CUL3: variants seen among roughly 807,000 people sequenced by gnomAD.
CUL3 encodes cullin 3.
CUL3 carries 19 observed loss-of-function variants against 89.1 expected under a neutral mutation model. That is an observed-to-expected ratio of 0.21 (90% CI 0.15 to 0.31). The LOEUF (loss-of-function observed/expected upper bound fraction) is 0.31. Ranked by LOEUF, CUL3 falls within the 10% of genes least tolerant of loss-of-function variation. The pLI, the probability that CUL3 is intolerant of heterozygous loss-of-function variation, is 1.00. For synonymous variants in CUL3, 351 were observed against 308.4 expected (o/e 1.14, Z -1.45); for missense variants, 469 against 942.3 (o/e 0.50, Z 6.58).
intron 3 of CUL3, among the ~76,000 whole-genome samples, chr2:224,525,538 C>G (rs1693440878): frequency 6.6e-6 from 1 of 152,062 alleles, no homozygotes; most frequent in Non-Finnish European, 1.5e-5. Context: ...AAACATTTAC[C>G]TTCAAAGAAA....
intron 13 of CUL3, among the ~76,000 whole-genome samples, chr2:224,492,330 T>C (rs13393601): frequency 0.26 from 39,368 of 152,008 alleles, 5,870 homozygotes; most frequent in African/African-American, 0.41. Context: ...CATTTTCCTT[T>C]CTATATTGTG....
chr2:224,488,158 A>C (rs2106163861), intron 13 of CUL3, among the ~76,000 whole-genome samples: 1 of 152,354 alleles, frequency 6.6e-6, no homozygotes, highest in Non-Finnish European at 1.5e-5. Flanking sequence ...AAGATCTAAA[A>C]TTGACACCCT....
Position 224,482,091 on chromosome 2 carries a change from C to T in CUL3, c.1843-13G>A, listed in dbSNP as rs929800526. On this transcript the variant is annotated splice_polypyrimidine_tract_variant and intron_variant, in intron 13 of 15. Transcript: ENST00000264414. Reference sequence around the variant, plus strand: ...CTTGCTGAATTTCCTGAAATTTCATCAGATTAACATAATTAGACTTTTTGA... The same window carrying T: ...CTTGCTGAATTTCCTGAAATTTCATTAGATTAACATAATTAGACTTTTTGA... 8 of 1,582,944 alleles carry T rather than the reference C, an allele frequency of 5.1e-6. No homozygotes were observed. In the East Asian group the frequency reaches 1.6e-4, roughly 32 times the overall value.
intron 3 of CUL3, among the ~76,000 whole-genome samples, chr2:224,522,232 AG>A: frequency 6.6e-6 from 1 of 152,314 alleles, no homozygotes; most frequent in East Asian, 1.9e-4. Context: ...AGATTTAAAA[AG>A]GTTTAACACA....
rs758674690 is a variant in CUL3, at chr2:224,503,087, C to T, written c.1378-15G>A. 4 of 1,345,110 alleles carry T rather than the reference C, an allele frequency of 3.0e-6. No individual in the cohort carries two copies. Among genetic ancestry groups the T allele is most frequent in the Non-Finnish European group, 4.3e-6 (4 of 938,470 alleles). 83.3% of individuals were successfully genotyped at this position (1,345,110 alleles called of 1,614,324 possible). A position where few individuals can be genotyped will look rare whatever the true frequency, so the allele number is the denominator to read the frequency against. ...CCACATTCAGTCTGTGGAGGAAAAA[C>T]ACAAATATACACAAATAAATGGTAG... On this transcript the variant is annotated splice_polypyrimidine_tract_variant and intron_variant, in intron 9 of 15. Coordinates refer to ENST00000264414, the MANE Select transcript of CUL3 (RefSeq NM_003590.5).
intron 2 of CUL3, among the ~76,000 whole-genome samples, chr2:224,554,835 A>G (rs758289664): frequency 2.0e-4 from 31 of 152,186 alleles, no homozygotes; most frequent in Middle Eastern, 3.2e-3. Flanking sequence ...TCTATATCCA[A>G]TAACTCAGCT....
chr2:224,522,716 T>C (rs1693313304), intron 3 of CUL3, among the ~76,000 whole-genome samples: 1 of 152,038 alleles, frequency 6.6e-6, no homozygotes. Flanking sequence ...GTAGCCCAGC[T>C]ACTTGGGAGG....
At chr2:224,566,070 C>G (rs1038098652) in intron 1 of CUL3, among the ~76,000 whole-genome samples, 4 of 152,162 alleles carry the variant, frequency 2.6e-5, no homozygotes, top group African/African-American at 7.2e-5. Flanking sequence ...ATTGACCCCC[C>G]ACCTTCCCCA....
In CUL3 at chr2:224,470,813, T is replaced by C; in HGVS notation, c.*3432A>G. The C allele has an allele frequency of 4.3e-6, 1 of 231,142 alleles. No individual in the cohort carries two copies. The highest frequency in any genetic ancestry group is 8.6e-6 in the Non-Finnish European group (1 of 116,768). 14.3% of individuals were successfully genotyped at this position (231,142 alleles called of 1,614,324 possible). A position where few individuals can be genotyped will look rare whatever the true frequency, so the allele number is the denominator to read the frequency against. ...CAATGCTTCATGTATTAACTTTAGT[T>C]TGTCACATTACTATTCATGTGAATG... On this transcript the variant is annotated 3_prime_UTR_variant, in exon 16 of 16. Coordinates refer to ENST00000264414, the MANE Select transcript of CUL3 (RefSeq NM_003590.5).
rs1421839469 is a variant in CUL3 at position 224,473,252 on chromosome 2, T to C, written c.*993A>G. On this transcript the variant is annotated 3_prime_UTR_variant, in exon 16 of 16. Transcript: ENST00000264414. Reference sequence around the variant, plus strand: ...ATTGCATTTTGAAACAGAAAATTAATAGTGCACCACAGCTTCACCAAAATA... The same window carrying C: ...ATTGCATTTTGAAACAGAAAATTAACAGTGCACCACAGCTTCACCAAAATA... 5.3e-6 allele frequency: 1 copy of C among 190,414 alleles called. No individual in the cohort carries two copies. The highest frequency in any genetic ancestry group is 1.1e-5 in the Non-Finnish European group (1 of 90,566). 11.8% of individuals were successfully genotyped at this position (190,414 alleles called of 1,614,324 possible).
chr2:224,549,327 TAA>T lies in CUL3; in HGVS notation c.264+8330_264+8331del, dbSNP rs60131758. ...CAAGACCTTGTCTCGGAAAATAAAT[TAA>T]AAAAAAAAAAAAAAATTGAAACATT... On this transcript the variant is annotated intron_variant, in intron 2 of 15. Coordinates refer to ENST00000264414, the MANE Select transcript of CUL3 (RefSeq NM_003590.5). Among the ~76,000 whole-genome samples, 626 of 129,040 alleles carry T rather than the reference TAA, an allele frequency of 4.9e-3. 9 individuals are homozygous for T. Among genetic ancestry groups the T allele is most frequent in the African/African-American group, 0.013 (462 of 36,196 alleles). 84.7% of individuals were successfully genotyped at this position (129,040 alleles called of 152,430 possible).
intron 1 of CUL3, among the ~76,000 whole-genome samples, chr2:224,564,005 C>T (rs540684890): frequency 4.5e-4 from 68 of 152,104 alleles, no homozygotes; most frequent in Non-Finnish European, 7.9e-4. Flanking sequence ...TAAATCTTCT[C>T]GCCAGGGTGG....
intron 2 of CUL3, among the ~76,000 whole-genome samples, chr2:224,544,041 C>T (rs1239243696): frequency 1.3e-5 from 2 of 152,040 alleles, no homozygotes; most frequent in Non-Finnish European, 2.9e-5. Flanking sequence ...TAGGGATACT[C>T]AACCTCTTTG....
intron 2 of CUL3, among the ~76,000 whole-genome samples, chr2:224,542,094 ATTATT>A (rs1553532204): frequency 6.6e-6 from 1 of 152,180 alleles, no homozygotes; most frequent in Non-Finnish European, 1.5e-5. Context: ...CTGTTTCCTT[ATTATT>A]TTATCATAAA....
chr2:224,579,201 A>G (rs1480426028), intron 1 of CUL3, among the ~76,000 whole-genome samples: 1 of 152,000 alleles, frequency 6.6e-6, no homozygotes, highest in Non-Finnish European at 1.5e-5. Flanking sequence ...ACTAACAGCT[A>G]TGACAATACT....
intron 1 of CUL3, chr2:224,563,265 C>T (rs1694958868): frequency 2.1e-6 from 1 of 471,022 alleles, no homozygotes. Context: ...TTTCCAGAGC[C>T]ATTTAAATCA....
At chr2:224,527,747 T>A (rs1465388065) in intron 3 of CUL3, among the ~76,000 whole-genome samples, 1 of 152,138 alleles carries the variant, frequency 6.6e-6, no homozygotes, top group Non-Finnish European at 1.5e-5. Flanking sequence ...TCTCACTAGA[T>A]CTCTAGGTCT....
chr2:224,526,497 A>G (rs569369174), intron 3 of CUL3, among the ~76,000 whole-genome samples: 1 of 150,956 alleles, frequency 6.6e-6, no homozygotes, highest in South Asian at 2.1e-4. Flanking sequence ...GAGGCAGAAG[A>G]ATCGCTTGAA....
At chr2:224,519,730 G>A (rs1693194736) in intron 3 of CUL3, among the ~76,000 whole-genome samples, 1 of 152,068 alleles carries the variant, frequency 6.6e-6, no homozygotes, top group African/African-American at 2.4e-5. Flanking sequence ...GAGTATTTGT[G>A]TGCATATGTT....
Sources: allele counts gnomAD v4.1 joint callset (sites outside exome capture counted in the v4.1 genomes callset), GRCh38; gene constraint gnomAD v4.1.1; transcripts MANE v1.5; gene names NCBI Gene and HGNC (gene_info 2026-07-23, HGNC 2026-07-21).